The following LONRF2 variants were observed in gnomAD, a reference collection of about 807,000 sequenced individuals.
LONRF2 encodes the protein LON peptidase N-terminal domain and RING finger protein 2.
LONRF2 carries 35 observed loss-of-function variants against 66.6 expected under a neutral mutation model. The observed-to-expected ratio is 0.53, with a 90% CI of 0.40 to 0.70. The LOEUF (loss-of-function observed/expected upper bound fraction) is 0.70, where lower values mean the gene tolerates loss of function less well. LONRF2 is among the 30% of genes least tolerant of loss of function. The pLI, the probability that LONRF2 is intolerant of heterozygous loss-of-function variation, is 0.00. For missense variants in LONRF2, 902 were observed against 1,002.1 expected, an observed-to-expected ratio of 0.90 and a Z score of 1.35; for synonymous variants, 417 against 418.1, an observed-to-expected ratio of 1.00 and a Z score of 0.03.
In LONRF2 at chr2:100,298,790, G is replaced by A. The variant is rs770131095; in HGVS notation, c.1476+46C>T. 2.8e-5 allele frequency: 39 copies of A among 1,411,524 alleles called. 1 individual carries two copies. The highest frequency in any genetic ancestry group is 3.6e-5 in the Non-Finnish European group (36 of 995,678). The allele number at this position is 1,411,524 out of a possible 1,614,324, so 87.4% of individuals were successfully genotyped here. Reference sequence around the variant, plus strand: ...GAGACAGGGAGTAAGCGTCCACCAAGGGATGAGAGGAGGAGCTGTCCCGTC... The same window carrying A: ...GAGACAGGGAGTAAGCGTCCACCAAAGGATGAGAGGAGGAGCTGTCCCGTC... On this transcript the variant is annotated intron_variant, in intron 7 of 11. Coordinates refer to ENST00000393437, the MANE Select transcript of LONRF2 (RefSeq NM_198461.4).
intron 11 of LONRF2, among the ~76,000 whole-genome samples, 196 bp downstream of exon 11, chr2:100,286,718 G>T (rs952998234): frequency 6.6e-6 from 1 of 152,218 alleles, no homozygotes; most frequent in Non-Finnish European, 1.5e-5. Flanking sequence ...TTCTGTTAGA[G>T]AGCCTTTGTT....
rs1406172189 is a variant in LONRF2 at position 100,281,585 on chromosome 2, G to T, written c.*2713C>A. On this transcript the variant is annotated 3_prime_UTR_variant, in exon 12 of 12. Coordinates refer to ENST00000393437, the MANE Select transcript of LONRF2 (RefSeq NM_198461.4). Reference sequence around the variant, plus strand: ...ACTTGCATTTCAAAGACACAGGCAGGTTTGGGCGATGAATGGAAAAATACA... The same window carrying T: ...ACTTGCATTTCAAAGACACAGGCAGTTTTGGGCGATGAATGGAAAAATACA... 1 of 152,142 alleles carries T rather than the reference G, an allele frequency of 6.6e-6. No homozygotes were observed. Among genetic ancestry groups the T allele is most frequent in the Non-Finnish European group, 1.5e-5 (1 of 68,026 alleles). The allele number at this position is 152,142 out of a possible 1,614,324, so 9.4% of individuals were successfully genotyped here. A position where few individuals can be genotyped will look rare whatever the true frequency, so the allele number is the denominator to read the frequency against.
chr2:100,301,455 A>T (rs1675182917), intron 3 of LONRF2, among the ~76,000 whole-genome samples: 1 of 152,158 alleles, frequency 6.6e-6, no homozygotes, highest in South Asian at 2.1e-4. Context: ...CCCACTCTCC[A>T]CTGTTCCTCA....
At chr2:100,310,494 T>C (rs1192217029) in intron 1 of LONRF2, among the ~76,000 whole-genome samples, 1 of 152,224 alleles carries the variant, frequency 6.6e-6, no homozygotes, top group Non-Finnish European at 1.5e-5. Context: ...TTAGTTTATG[T>C]AGGTAACTGA....
At chr2:100,295,330 C>T in intron 8 of LONRF2, 102 bp downstream of exon 8, 1 of 1,140,914 alleles carries the variant, frequency 8.8e-7, no homozygotes, top group Non-Finnish European at 1.2e-6. Context: ...CATTTACAGA[C>T]CAAGAGAGTT....
intron 2 of LONRF2, among the ~76,000 whole-genome samples, chr2:100,307,957 A>G (rs755938279): frequency 1.3e-5 from 2 of 152,166 alleles, no homozygotes; most frequent in Non-Finnish European, 2.9e-5. Context: ...TTTTTAGGGA[A>G]GCAAACAAGC....
At chr2:100,284,831 T>C (rs1381452055) in intron 11 of LONRF2, among the ~76,000 whole-genome samples, 2 of 152,218 alleles carry the variant, frequency 1.3e-5, no homozygotes, top group Non-Finnish European at 2.9e-5. Context: ...CTTTCCAATG[T>C]TCTGTGCTAT....
intron 1 of LONRF2, among the ~76,000 whole-genome samples, chr2:100,319,731 T>C (rs886497696): frequency 1.3e-5 from 2 of 152,250 alleles, no homozygotes; most frequent in African/African-American, 4.8e-5. Context: ...TAATCATATA[T>C]TCACCCCTTC....
intron 11 of LONRF2, among the ~76,000 whole-genome samples, chr2:100,285,868 G>A (rs555253705): frequency 3.9e-5 from 6 of 152,170 alleles, no homozygotes; most frequent in Admixed American, 6.5e-5. Context: ...AAGCCACCAC[G>A]TTCGTGAAAT....
At chr2:100,312,864 A>G (rs1205700333) in intron 1 of LONRF2, among the ~76,000 whole-genome samples, 2 of 152,242 alleles carry the variant, frequency 1.3e-5, no homozygotes, top group Admixed American at 6.5e-5. Flanking sequence ...ATCCCTCAAA[A>G]CTAAGTGGAA....
intron 1 of LONRF2, 24 bp from the exon 2 acceptor site, chr2:100,309,249 T>C (rs2105732633): frequency 6.8e-7 from 1 of 1,478,728 alleles, no homozygotes; most frequent in Non-Finnish European, 9.3e-7. Context: ...GGAATACAAA[T>C]CAATAAAAAT....
Position 100,295,550 on chromosome 2 carries a change from A to G in LONRF2, c.1480T>C (p.Leu494=). The change falls in exon 8 of 12, where the codon TTG becomes CTG. Residue 494 remains leucine (L), a synonymous_variant. Transcript: ENST00000393437. The part of the protein sequence containing the change: ...PLCKDKLSEL[L]ASRNFNITVL... Reference sequence around the variant, plus strand: ...GTTATGTTAAAGTTTCTGCTTGCCAATAACTGTAACAAAAAAAAGTCAAAT... The same window carrying G: ...GTTATGTTAAAGTTTCTGCTTGCCAGTAACTGTAACAAAAAAAAGTCAAAT... The G allele has an allele frequency of 6.2e-7, 1 of 1,612,690 alleles. No homozygotes were observed. Among genetic ancestry groups the G allele is most frequent in the South Asian group, 1.1e-5 (1 of 90,776 alleles).
chr2:100,285,016 G>T (rs1489453951), intron 11 of LONRF2, among the ~76,000 whole-genome samples: 2 of 152,186 alleles, frequency 1.3e-5, no homozygotes, highest in Admixed American at 1.3e-4. Context: ...GAATTATTAT[G>T]CCACCAAATA....
Position 100,284,380 on chromosome 2 carries a change from G to A in LONRF2, c.2183C>T (p.Ala728Val). The change falls in exon 12 of 12, where the codon GCC (alanine) becomes GTC (valine). Residue 728 changes from alanine (A) to valine (V), a missense_variant. This residue lies in a region of LONRF2 where 317 missense variants were observed against 432.2 expected (regional missense o/e 0.73). Transcript: ENST00000393437. Reference sequence around the variant, plus strand: ...GATGATGACTAATATCCGTCGGATGGCAAGGAGCCGCTCTTTGAGCGAGGT... The same window carrying A: ...GATGATGACTAATATCCGTCGGATGACAAGGAGCCGCTCTTTGAGCGAGGT... ...GMTSLKERLL[A>V]IRRILVIITR... 6.3e-7 allele frequency: 1 copy of A among 1,599,018 alleles called. No homozygotes were observed. Among genetic ancestry groups the A allele is most frequent in the Non-Finnish European group, 8.5e-7 (1 of 1,172,578 alleles).
rs919438346 is a variant in LONRF2 at position 100,283,126 on chromosome 2, A to G, written c.*1172T>C. On this transcript the variant is annotated 3_prime_UTR_variant, in exon 12 of 12. Transcript: ENST00000393437. ...GAGTATCTCAGATTCAGTTATTCCA[A>G]TCAATATCACCAACGTGCATTACAG... is the stretch of plus-strand genomic sequence containing the variant. 2.0e-5 allele frequency: 3 copies of G among 152,202 alleles called. No homozygotes were observed. Among genetic ancestry groups the G allele is most frequent in the Admixed American group, 6.5e-5 (1 of 15,280 alleles). 9.4% of individuals were successfully genotyped at this position (152,202 alleles called of 1,614,324 possible).
chr2:100,287,073 G>T lies in LONRF2; in HGVS notation c.1921-10C>A. The T allele has an allele frequency of 6.2e-7, 1 of 1,612,804 alleles. No homozygotes were observed. The highest frequency in any genetic ancestry group is 8.5e-7 in the Non-Finnish European group (1 of 1,179,418). ...ACTCTGGACCCTCCACCTGATCAGG[G>T]AAAGAGGCACAGCTGTGTGAACCAT... On this transcript the variant is annotated splice_polypyrimidine_tract_variant and intron_variant, in intron 10 of 11. Transcript: ENST00000393437.
intron 9 of LONRF2, among the ~76,000 whole-genome samples, chr2:100,290,849 T>C (rs1430957301): frequency 6.6e-6 from 1 of 152,192 alleles, no homozygotes; most frequent in Non-Finnish European, 1.5e-5. Context: ...CTATCACCCT[T>C]ATCCTAGTGA....
intron 1 of LONRF2, among the ~76,000 whole-genome samples, chr2:100,312,942 C>T (rs1450415800): frequency 2.0e-5 from 3 of 152,200 alleles, no homozygotes; most frequent in East Asian, 1.9e-4. Context: ...TACATATGTA[C>T]TTTCCAAAGA....
intron 7 of LONRF2, 94 bp from the exon 8 acceptor site, chr2:100,295,647 G>C (rs774424498): frequency 4.5e-5 from 58 of 1,291,186 alleles, no homozygotes; most frequent in Non-Finnish European, 6.2e-5. Flanking sequence ...GTGGTGGGTG[G>C]GATCTCTGAG....
Sources: gnomAD v4.1 joint callset for allele counts (sites outside exome capture counted in the v4.1 genomes callset) on GRCh38, gnomAD v4.1.1 for gene constraint, gnomAD v4.1.1 regional missense constraint, MANE v1.5 for transcripts, NCBI Gene and HGNC (gene_info 2026-07-23, HGNC 2026-07-21) for gene names.